Variants in CRB2 observed in about 807,000 individuals in gnomAD.
CRB2 encodes the protein protein crumbs homolog 2.
Under a neutral mutation model 110.9 loss-of-function variants are expected in CRB2, and 85 were observed. The observed-to-expected ratio is 0.77, with a 90% CI of 0.64 to 0.92. The LOEUF is 0.92. CRB2 is among the 40% of genes least tolerant of loss of function. The pLI is 0.00. For missense variants in CRB2, 1,843 were observed against 1,851.3 expected (o/e 1.00, Z 0.08); for synonymous variants, 907 against 831.0 (o/e 1.09, Z -1.57).
Position 123,377,587 on chromosome 9 carries a change from C to T in CRB2, c.*525C>T, listed in dbSNP as rs41278268. The stretch of plus-strand genomic sequence containing the variant: ...CTGCATGTTCTCCAGGAGGCCAGGC[C>T]GGGGTTGCCCAGGCACCTCCTTCCC... On this transcript the variant is annotated 3_prime_UTR_variant, in exon 13 of 13. Coordinates refer to ENST00000373631, the MANE Select transcript of CRB2 (RefSeq NM_173689.7). The T allele has an allele frequency of 0.02, 3,124 of 152,560 alleles. 47 individuals are homozygous for T. The highest frequency in any genetic ancestry group is 0.033 in the Non-Finnish European group (2,260 of 68,200). The allele number at this position is 152,560 out of a possible 1,614,324, so 9.5% of individuals were successfully genotyped here. A position where few individuals can be genotyped will look rare whatever the true frequency, so the allele number is the denominator to read the frequency against.
In CRB2 at chr9:123,367,821, C is replaced by G. The variant is rs1212774317; in HGVS notation, c.1054+135C>G. On this transcript the variant is annotated intron_variant, in intron 6 of 12. Coordinates refer to ENST00000373631, the MANE Select transcript of CRB2 (RefSeq NM_173689.7). Reference sequence around the variant, plus strand: ...AGGTGGGTATGGTGGCCCAGGTGACCGCTGAGGGTGGCTGAACTGGGACTC... The same window carrying G: ...AGGTGGGTATGGTGGCCCAGGTGACGGCTGAGGGTGGCTGAACTGGGACTC... 6.1e-6 allele frequency: 4 copies of G among 651,156 alleles called. No individual in the cohort carries two copies. The East Asian group carries it at 1.1e-4, about 18-fold the overall frequency. The allele number at this position is 651,156 out of a possible 1,614,324, so 40.3% of individuals were successfully genotyped here.
At chr9:123,367,126 C>G in intron 4 of CRB2, 46 bp from the exon 5 acceptor site, 1 of 1,512,826 alleles carries the variant, frequency 6.6e-7, no homozygotes, top group South Asian at 1.3e-5. Context: ...AGAGGTGCTG[C>G]CCGGCAACCC....
Position 123,371,216 on chromosome 9 carries a change from TCC to T in CRB2, c.2075_2076del (p.Ser692CysfsTer10). The T allele has an allele frequency of 6.2e-7, 1 of 1,613,918 alleles. No homozygotes were observed. Among genetic ancestry groups the T allele is most frequent in the Non-Finnish European group, 8.5e-7 (1 of 1,180,030 alleles). ...CCTGTTGCTCCAGTTTGCCAATGAC[TCC>T]GCAGCTGGCCTAACAGTATTCCTGA... ...AGLLLQFAND[S>X]AAGLTVFLSE... On this transcript the variant is annotated frameshift_variant, in exon 8 of 13. Coordinates refer to ENST00000373631, the MANE Select transcript of CRB2 (RefSeq NM_173689.7). LOFTEE classifies it high-confidence loss of function.
chr9:123,354,170 C>T (rs746713119), upstream of CRB2, among the ~76,000 whole-genome samples: 20 of 152,230 alleles, frequency 1.3e-4, no homozygotes, highest in Non-Finnish European at 2.2e-4. Flanking sequence ...CTCCTGTACC[C>T]GGTGCTGTCG....
rs748005509 is a variant in CRB2 at position 123,370,613 on chromosome 9, C to T, written c.1560C>T (p.His520=). The change falls in exon 7 of 13, where the codon CAC becomes CAT. Residue 520 remains histidine (H), a synonymous_variant. Transcript: ENST00000373631. ...PDLALNDGHW[H]QVEVVLHLAT... ...TGGCCCTAAACGATGGCCATTGGCACCAGGTGGAGGTTGTGCTCCATCTAG... is the reference window on the plus strand; with the variant it reads ...TGGCCCTAAACGATGGCCATTGGCATCAGGTGGAGGTTGTGCTCCATCTAG... 2 of 1,612,144 alleles carry T rather than the reference C, an allele frequency of 1.2e-6. No individual in the cohort carries two copies. Among genetic ancestry groups the T allele is most frequent in the Admixed American group, 1.7e-5 (1 of 60,008 alleles).
intron 6 of CRB2, 103 bp from the exon 7 acceptor site, chr9:123,370,005 G>C: frequency 3.7e-6 from 5 of 1,359,710 alleles, no homozygotes; most frequent in Non-Finnish European, 5.0e-6. Context: ...TGGTTTGGCT[G>C]ATAGGTACTG....
chr9:123,379,042 C>T (rs771332536), downstream of CRB2, among the ~76,000 whole-genome samples: 22 of 151,744 alleles, frequency 1.4e-4, no homozygotes, highest in Non-Finnish European at 3.1e-4. Context: ...CCACCTGCCC[C>T]GGCCTCCCAA....
At chr9:123,369,680 A>C (rs1429962199) in intron 6 of CRB2, among the ~76,000 whole-genome samples, 1 of 152,144 alleles carries the variant, frequency 6.6e-6, no homozygotes, top group Non-Finnish European at 1.5e-5. Flanking sequence ...AGGGTGTCTT[A>C]AATGTCAGGG....
At position 123,377,258 on chromosome 9, in the gene CRB2, GCGGA is replaced by G; in HGVS notation, c.*198_*201del. On this transcript the variant is annotated 3_prime_UTR_variant, in exon 13 of 13. Transcript: ENST00000373631. ...AGGGAAACAGAGGCCTAGAGAGGCT[GCGGA>G]CTTCTCCATCCCACCCTCGGGGTTC... The G allele has an allele frequency of 1.7e-6, 1 of 593,032 alleles. No homozygotes were observed. The highest frequency in any genetic ancestry group is 2.3e-5 in the South Asian group (1 of 43,474). 36.7% of individuals were successfully genotyped at this position (593,032 alleles called of 1,614,324 possible). A position where few individuals can be genotyped will look rare whatever the true frequency, so the allele number is the denominator to read the frequency against.
intron 6 of CRB2, chr9:123,369,035 C>A: frequency 9.9e-7 from 1 of 1,007,004 alleles, no homozygotes; most frequent in African/African-American, 1.8e-5. Context: ...CTGATCGAGG[C>A]TGGGCTTCAA....
intron 1 of CRB2, among the ~76,000 whole-genome samples, chr9:123,360,431 C>T (rs1232745959): frequency 6.6e-6 from 1 of 152,120 alleles, no homozygotes; most frequent in Non-Finnish European, 1.5e-5. Context: ...GGGACAGCCC[C>T]TCCTCCGCCC....
chr9:123,365,769 G>C (rs1052242891), intron 2 of CRB2, 148 bp from the exon 3 acceptor site: 3 of 651,006 alleles, frequency 4.6e-6, no homozygotes, highest in Non-Finnish European at 7.2e-6. Context: ...GGCATGACCC[G>C]TCCCCCACCC....
chr9:123,378,969 A>C (rs1230981584), downstream of CRB2, among the ~76,000 whole-genome samples: 1 of 151,444 alleles, frequency 6.6e-6, no homozygotes, highest in Non-Finnish European at 1.5e-5. Context: ...GCCTGCTTTT[A>C]GTAGAGACGG....
In CRB2 at chr9:123,363,158, T is replaced by C. The variant is rs1188938886; in HGVS notation, c.388T>C (p.Tyr130His). Reference protein sequence around the residue: ...GATCRNLADRYECHCPLGYAG... With the variant: ...GATCRNLADRHECHCPLGYAG... The stretch of plus-strand genomic sequence containing the variant: ...CACCTGCCGCAACCTGGCCGATCGC[T>C]ACGAGTGCCATTGCCCCCTTGGCTA... Residue 130 changes from tyrosine to histidine, a missense_variant, in exon 2 of 13, where the codon TAC becomes CAC. Tyr to His is a moderately conservative substitution (Grantham distance 83). Transcript: ENST00000373631. 2 of 1,609,542 alleles carry C rather than the reference T, an allele frequency of 1.2e-6. No individual in the cohort carries two copies. The highest frequency in any genetic ancestry group is 3.3e-5 in the Admixed American group (2 of 59,968).
rs1440001780 is a variant in CRB2 at position 123,373,283 on chromosome 9, G to A, written c.2752G>A (p.Glu918Lys). The change falls in exon 10 of 13, where the codon GAA becomes AAA. Residue 918 changes from glutamate (E) to lysine (K), a missense_variant. Glu to Lys is a moderately conservative substitution (Grantham distance 56). Coordinates refer to ENST00000373631, the MANE Select transcript of CRB2 (RefSeq NM_173689.7). Reference protein sequence around the residue: ...WLLRAAAGALEGVWLAVRNGS... With the variant: ...WLLRAAAGALKGVWLAVRNGS... ...GCTGCGTGCCGCGGCGGGCGCCCTG[G>A]AAGGCGTGTGGCTGGCGGTGCGCAA... 1.3e-6 allele frequency: 2 copies of A among 1,481,594 alleles called. No homozygotes were observed. Among genetic ancestry groups the A allele is most frequent in the Admixed American group, 4.7e-5 (2 of 42,902 alleles). The allele number at this position is 1,481,594 out of a possible 1,614,324, so 91.8% of individuals were successfully genotyped here. A position where few individuals can be genotyped will look rare whatever the true frequency, so the allele number is the denominator to read the frequency against.
At chr9:123,365,776 ACC>A in intron 2 of CRB2, 139 bp from the exon 3 acceptor site, 1 of 442,724 alleles carries the variant, frequency 2.3e-6, no homozygotes, top group Non-Finnish European at 3.6e-6. Context: ...CCCGTCCCCC[ACC>A]CCCCAACCAC....
At chr9:123,361,916 G>T (rs1373606332) in intron 1 of CRB2, among the ~76,000 whole-genome samples, 3 of 152,208 alleles carry the variant, frequency 2.0e-5, no homozygotes, top group Admixed American at 2.0e-4. Context: ...AAGGCAGGAG[G>T]AGAGGAAGGG....
chr9:123,361,141 G>GT (rs2041864453), intron 1 of CRB2, among the ~76,000 whole-genome samples: 1 of 136,260 alleles, frequency 7.3e-6, no homozygotes, highest in Non-Finnish European at 1.7e-5. Flanking sequence ...GCGGGGAGGG[G>GT]GGGGGGTTCC....
Position 123,367,576 on chromosome 9 carries a change from C to T in CRB2, c.944C>T (p.Ala315Val), listed in dbSNP as rs373376465. 11 of 1,553,622 alleles carry T rather than the reference C, an allele frequency of 7.1e-6. No individual in the cohort carries two copies. In the African/African-American group the frequency reaches 1.4e-4, roughly 19 times the overall value. ...LCHCPPGFEG[A>V]DCGVEVDECA... ...CCCACAGCTGGGCCTCTTACAGGAG[C>T]CGACTGCGGTGTGGAGGTGGACGAG... Residue 315 changes from alanine to valine, a missense_variant, in exon 6 of 13, where the codon GCC becomes GTC. By Grantham distance (64) the Ala-to-Val change is moderately conservative. Coordinates refer to ENST00000373631, the MANE Select transcript of CRB2 (RefSeq NM_173689.7).
Sources: allele counts gnomAD v4.1 joint callset (sites outside exome capture counted in the v4.1 genomes callset), GRCh38; gene constraint gnomAD v4.1.1; transcripts MANE v1.5; gene names NCBI Gene and HGNC (gene_info 2026-07-23, HGNC 2026-07-21).